The following FMO3 variants were observed in gnomAD, a reference collection of about 807,000 sequenced individuals.
FMO3 encodes flavin containing dimethylaniline monoxygenase 3.
In FMO3, 40 loss-of-function variants were observed where a neutral mutation model predicts 39.4. That is an observed-to-expected ratio of 1.02 (90% confidence interval 0.79 to 1.32). The LOEUF is 1.32. Among genes scored for constraint, FMO3 ranks in the 40% most tolerant of loss-of-function variants. The pLI is 0.00. For synonymous variants in FMO3, 219 were observed against 228.8 expected (o/e 0.96, Z 0.39); for missense variants, 680 against 651.8 (o/e 1.04, Z -0.47).
chr1:171,103,935 G>A lies in FMO3; in HGVS notation c.283G>A (p.Ala95Thr), dbSNP rs764195575. Reference sequence around the variant, plus strand: ...GATCCAGGAATATATCATTGCATTTGCCAAAGAAAAGAACCTCCTGAAGTA... The same window carrying A: ...GATCCAGGAATATATCATTGCATTTACCAAAGAAAAGAACCTCCTGAAGTA... ...SKIQEYIIAF[A>T]KEKNLLKYIQ... The change falls in exon 3 of 9, where the codon GCC (alanine) becomes ACC (threonine). Residue 95 changes from alanine to threonine, a missense_variant. Transcript: ENST00000367755. 1.2e-6 allele frequency: 2 copies of A among 1,613,824 alleles called. No homozygotes were observed. Among genetic ancestry groups the A allele is most frequent in the Non-Finnish European group, 8.5e-7 (1 of 1,179,868 alleles).
rs765137570 is a variant in FMO3, at chr1:171,103,803, A to G, written c.151A>G (p.Arg51Gly). 37 of 1,613,392 alleles carry G rather than the reference A, an allele frequency of 2.3e-5. No homozygotes were observed. In the Admixed American group the frequency reaches 3.3e-4, roughly 15 times the overall value. Residue 51 changes from arginine to glycine, a missense_variant, in exon 3 of 9, where the codon AGG (arginine) becomes GGG (glycine). Arg to Gly is a moderately radical substitution (Grantham distance 125, BLOSUM62 -2). Coordinates refer to ENST00000367755, the MANE Select transcript of FMO3 (RefSeq NM_001002294.3). ...TTCACAGGACCATGCAGAGGAGGGC[A>G]GGGCTAGCATTTACAAATCAGTCTT... ...WKFSDHAEEG[R>G]ASIYKSVFSN...
chr1:171,104,463 AAAAG>A (rs1307119548), intron 3 of FMO3, among the ~76,000 whole-genome samples: 2 of 152,094 alleles, frequency 1.3e-5, no homozygotes, highest in African/African-American at 4.8e-5. Context: ...AAAAATTAGT[AAAAG>A]AAAGACAGAA....
At chr1:171,096,168 A>G (rs1339734357) in intron 2 of FMO3, among the ~76,000 whole-genome samples, 2 of 73,456 alleles carry the variant, frequency 2.7e-5, no homozygotes, top group Non-Finnish European at 4.4e-5. Context: ...TAATATATAT[A>G]ATTATATATA....
At chr1:171,115,051 C>T (rs1656082446) in intron 7 of FMO3, among the ~76,000 whole-genome samples, 1 of 152,120 alleles carries the variant, frequency 6.6e-6, no homozygotes. Flanking sequence ...GGCTGGAATA[C>T]AGTTGTGGGG....
At chr1:171,106,065 A>T (rs1655621968) in intron 3 of FMO3, among the ~76,000 whole-genome samples, 1 of 152,174 alleles carries the variant, frequency 6.6e-6, no homozygotes, top group Non-Finnish European at 1.5e-5. Flanking sequence ...TTTTAATTAC[A>T]TTTTGAAATG....
chr1:171,116,678 C>G (rs530774435), intron 8 of FMO3, among the ~76,000 whole-genome samples: 2 of 152,202 alleles, frequency 1.3e-5, no homozygotes, highest in South Asian at 2.1e-4. Flanking sequence ...AAAGGTATAC[C>G]TCTAATGAAA....
At chr1:171,099,213 T>C (rs1655241942) in intron 2 of FMO3, among the ~76,000 whole-genome samples, 2 of 152,234 alleles carry the variant, frequency 1.3e-5, no homozygotes, top group Admixed American at 1.3e-4. Flanking sequence ...CGGTTTTGAA[T>C]GAGTTTCTTA....
At chr1:171,106,049 A>C (rs764039687) in intron 3 of FMO3, among the ~76,000 whole-genome samples, 4 of 151,938 alleles carry the variant, frequency 2.6e-5, no homozygotes, top group Non-Finnish European at 5.9e-5. Flanking sequence ...ATACCTTATT[A>C]ATAAATTTTA....
chr1:171,091,576 A>G (rs1654707419), intron 1 of FMO3, among the ~76,000 whole-genome samples: 1 of 137,532 alleles, frequency 7.3e-6, no homozygotes, highest in Non-Finnish European at 1.5e-5. Context: ...TTTTTAGGTA[A>G]GAACATGACT....
At chr1:171,106,284 G>A (rs1296594685) in intron 3 of FMO3, among the ~76,000 whole-genome samples, 2 of 151,992 alleles carry the variant, frequency 1.3e-5, no homozygotes, top group Admixed American at 6.6e-5. Context: ...AGGATTACAG[G>A]CATGCACCAC....
chr1:171,109,545 T>TTTTTTTTG (rs1655807013), intron 5 of FMO3, among the ~76,000 whole-genome samples: 1 of 133,262 alleles, frequency 7.5e-6, no homozygotes, highest in Non-Finnish European at 1.6e-5. Context: ...TTTTTTTTTT[T>TTTTTTTTG]TTTTTTGGAG....
chr1:171,106,172 C>G (rs1270610633), intron 3 of FMO3, among the ~76,000 whole-genome samples: 3 of 151,510 alleles, frequency 2.0e-5, no homozygotes, highest in Non-Finnish European at 1.5e-5. Context: ...CGGAGTTTCC[C>G]TCTTGCTGCC....
intron 2 of FMO3, among the ~76,000 whole-genome samples, chr1:171,095,983 T>C (rs1393761008): frequency 2.4e-5 from 2 of 83,918 alleles, no homozygotes; most frequent in African/African-American, 1.0e-4. Flanking sequence ...TATATAGATA[T>C]ATTTTATATA....
intron 2 of FMO3, chr1:171,101,287 T>C: frequency 2.2e-6 from 1 of 448,782 alleles, no homozygotes; most frequent in South Asian, 1.6e-5. Flanking sequence ...ATTGCTATTA[T>C]TTTAAGCCAT....
At chr1:171,110,139 AT>A (rs1399309303) in intron 5 of FMO3, among the ~76,000 whole-genome samples, 2 of 152,140 alleles carry the variant, frequency 1.3e-5, no homozygotes, top group Non-Finnish European at 2.9e-5. Flanking sequence ...AGTTAAAGGA[AT>A]TTTTTCAAAT....
chr1:171,116,729 C>G (rs1189825759), intron 8 of FMO3, among the ~76,000 whole-genome samples: 1 of 152,144 alleles, frequency 6.6e-6, no homozygotes, highest in Non-Finnish European at 1.5e-5. Flanking sequence ...GAACTGGGCT[C>G]CATTTCTAGT....
At chr1:171,116,660 G>T (rs1656167406) in intron 8 of FMO3, among the ~76,000 whole-genome samples, 1 of 152,092 alleles carries the variant, frequency 6.6e-6, no homozygotes, top group African/African-American at 2.4e-5. Flanking sequence ...AGATGTAGAG[G>T]ATATTTCAAA....
intron 2 of FMO3, among the ~76,000 whole-genome samples, chr1:171,096,024 T>TATATGTA (rs1557932938): frequency 2.2e-5 from 1 of 46,330 alleles, no homozygotes; most frequent in Non-Finnish European, 3.3e-5. Flanking sequence ...TATTATATAT[T>TATATGTA]AATATATAAT....
intron 6 of FMO3, among the ~76,000 whole-genome samples, 196 bp from the exon 7 acceptor site, chr1:171,113,811 C>A (rs191150942): frequency 2.0e-3 from 299 of 152,148 alleles, no homozygotes; most frequent in Non-Finnish European, 3.5e-3. Flanking sequence ...AGAGATGGGG[C>A]CAGCAAATAA....
Sources: gnomAD v4.1 joint callset for allele counts (sites outside exome capture counted in the v4.1 genomes callset) on GRCh38, gnomAD v4.1.1 for gene constraint, MANE v1.5 for transcripts, NCBI Gene and HGNC (gene_info 2026-07-23, HGNC 2026-07-21) for gene names.